The following IGSF9B variants were observed in gnomAD, a reference collection of about 807,000 sequenced individuals.
IGSF9B encodes the protein immunoglobulin superfamily member 9B, also known as protein turtle homolog B.
IGSF9B carries 48 observed loss-of-function variants against 143.7 expected under a neutral mutation model. The observed-to-expected ratio is 0.33, with a 90% confidence interval of 0.26 to 0.42. IGSF9B has a LOEUF of 0.42. IGSF9B is among the 20% of genes least tolerant of loss of function. IGSF9B has a pLI of 1.00. For synonymous variants in IGSF9B, 903 were observed against 833.1 expected, an observed-to-expected ratio of 1.08 and a Z score of -1.44; for missense variants, 1,706 against 1,980.0, an observed-to-expected ratio of 0.86 and a Z score of 2.63.
chr11:133,920,481 G>C lies in IGSF9B; in HGVS notation c.3244C>G (p.Pro1082Ala), dbSNP rs1939505865. The change falls in exon 18 of 20, where the codon CCC becomes GCC. Residue 1082 changes from proline to alanine, a missense_variant. Pro to Ala is a conservative substitution (Grantham distance 27). Transcript: ENST00000533871. ...GCCGCGGGCACCTGCAGGGAGGTGGGGGGCAGTCCTCGGGGGAGGCCGGCC... is the reference window on the plus strand; with the variant it reads ...GCCGCGGGCACCTGCAGGGAGGTGGCGGGCAGTCCTCGGGGGAGGCCGGCC... ...PKAGLPRGLP[P>A]TSLQVPAAYP... 1.3e-6 allele frequency: 2 copies of C among 1,574,862 alleles called. No homozygotes were observed. The highest frequency in any genetic ancestry group is 1.7e-5 in the Admixed American group (1 of 57,160).
In IGSF9B at chr11:133,921,242, C is replaced by T; in HGVS notation, c.2483G>A (p.Ser828Asn). Residue 828 changes from serine (S) to asparagine (N), a missense_variant, in exon 18 of 20, where the codon AGC becomes AAC. Coordinates refer to ENST00000533871, the MANE Select transcript of IGSF9B (RefSeq NM_001277285.4). ...CTTGGCCACGCTGTACTTCTTGCTG[C>T]TGATGGCCCGCTTGGTCTTCTTGTA... ...SLYKKTKRAI[S>N]SKKYSVAKAE... 1 of 1,610,902 alleles carries T rather than the reference C, an allele frequency of 6.2e-7. No homozygotes were observed. Among genetic ancestry groups the T allele is most frequent in the Non-Finnish European group, 8.5e-7 (1 of 1,179,100 alleles).
At chr11:133,942,754 G>A (rs1177590502) in intron 3 of IGSF9B, among the ~76,000 whole-genome samples, 2 of 152,174 alleles carry the variant, frequency 1.3e-5, no homozygotes, top group Non-Finnish European at 2.9e-5. Flanking sequence ...CCCTGCTCAC[G>A]CAACAGCTGG....
In IGSF9B at chr11:133,945,466, A is replaced by T. The variant is rs769322562; in HGVS notation, c.262+595T>A. On this transcript the variant is annotated intron_variant, in intron 2 of 19. Coordinates refer to ENST00000533871, the MANE Select transcript of IGSF9B (RefSeq NM_001277285.4). This position sits in a 1 kb window ranked among gnomAD's most constrained non-coding sequence, Gnocchi z 4.6. ...ACAACGCTCGCTCAATGACACGCAC[A>T]CGCACGCACACACACACCCACGCCC... Among the ~76,000 whole-genome samples, 1 of 152,122 alleles carries T rather than the reference A, an allele frequency of 6.6e-6. No homozygotes were observed. Among genetic ancestry groups the T allele is most frequent in the African/African-American group, 2.4e-5 (1 of 41,438 alleles).
Position 133,898,953 on chromosome 11 carries a change from G to C in IGSF9B, c.*10116C>G, listed in dbSNP as rs761097653. On this transcript the variant is annotated 3_prime_UTR_variant, in exon 20 of 20. Coordinates refer to ENST00000533871, the MANE Select transcript of IGSF9B (RefSeq NM_001277285.4). ...CGGGAAGCAGGCAGCAAAAATCCAC[G>C]ACAGAGCCTTTTCCCCAAGCTGCTG... 3 of 152,318 alleles carry C rather than the reference G, an allele frequency of 2.0e-5. No individual in the cohort carries two copies. The highest frequency in any genetic ancestry group is 2.0e-4 in the Admixed American group (3 of 15,276). 9.4% of individuals were successfully genotyped at this position (152,318 alleles called of 1,614,324 possible).
intron 1 of IGSF9B, among the ~76,000 whole-genome samples, chr11:133,947,643 T>C (rs1940077982): frequency 6.6e-6 from 1 of 152,164 alleles, no homozygotes; most frequent in South Asian, 2.1e-4. Flanking sequence ...TCCCTTCATG[T>C]CTGTGTCTGG....
At chr11:133,930,834 T>C (rs1195395215) in intron 11 of IGSF9B, 150 bp downstream of exon 11, 9 of 762,060 alleles carry the variant, frequency 1.2e-5, no homozygotes, top group Non-Finnish European at 1.6e-5. Flanking sequence ...AGGCTGCCGG[T>C]GCTGGACGCG....
intron 18 of IGSF9B, 106 bp from the exon 19 acceptor site, chr11:133,912,113 C>A: frequency 7.4e-7 from 1 of 1,342,664 alleles, no homozygotes; most frequent in Non-Finnish European, 1.0e-6. Flanking sequence ...GGACAGAGTT[C>A]AGTCCTACAG....
At chr11:133,955,501 C>A (rs1412952184) in intron 1 of IGSF9B, among the ~76,000 whole-genome samples, 1 of 152,344 alleles carries the variant, frequency 6.6e-6, no homozygotes, top group South Asian at 2.1e-4. Flanking sequence ...CCAGCCCACC[C>A]GGCGCCCCAT....
intron 1 of IGSF9B, among the ~76,000 whole-genome samples, chr11:133,946,715 C>T (rs1330938070): frequency 6.6e-6 from 1 of 152,210 alleles, no homozygotes; most frequent in African/African-American, 2.4e-5. Flanking sequence ...CTTTCTGCTC[C>T]AGGACGCCTG....
At position 133,921,369 on chromosome 11, in the gene IGSF9B, T is replaced by C; in HGVS notation, c.2356A>G (p.Ser786Gly). The change falls in exon 18 of 20, where the codon AGC becomes GGC. Residue 786 changes from serine (S) to glycine (G), a missense_variant. Physicochemically the swap from Ser to Gly is moderately conservative, Grantham distance 56. Around this residue, in one of 7 missense-constraint regions of IGSF9B, gnomAD observed 135 missense variants for 181.3 expected, o/e 0.74. Transcript: ENST00000533871. ...GACGGCGCTCGGAGCGTGCGGATGCTCTCGGGGCTCACCTTGCCAGAGGAC... is the reference window on the plus strand; with the variant it reads ...GACGGCGCTCGGAGCGTGCGGATGCCCTCGGGGCTCACCTTGCCAGAGGAC... ...PLSSGKVSPE[S>G]IRTLRAPSES... 1 of 1,543,364 alleles carries C rather than the reference T, an allele frequency of 6.5e-7. No homozygotes were observed. The highest frequency in any genetic ancestry group is 1.4e-5 in the African/African-American group (1 of 73,142).
intron 3 of IGSF9B, 56 bp from the exon 4 acceptor site, chr11:133,938,017 C>A (rs1296123678): frequency 1.3e-6 from 2 of 1,574,384 alleles, no homozygotes; most frequent in Non-Finnish European, 1.7e-6. Context: ...CGCTGCCCTG[C>A]AACAACAGTA....
intron 1 of IGSF9B, among the ~76,000 whole-genome samples, chr11:133,950,827 A>G (rs1205708487): frequency 2.0e-5 from 3 of 152,026 alleles, no homozygotes; most frequent in Non-Finnish European, 4.4e-5. Context: ...CGGAGTGAGC[A>G]CCAGCATCCG....
At chr11:133,917,290 T>A (rs999329497) in intron 18 of IGSF9B, among the ~76,000 whole-genome samples, 4 of 152,092 alleles carry the variant, frequency 2.6e-5, no homozygotes, top group Non-Finnish European at 5.9e-5. Context: ...GCCCTGAGTC[T>A]CTGTGAGGGA....
At chr11:133,912,421 G>C (rs1172120782) in intron 18 of IGSF9B, 1 of 455,562 alleles carries the variant, frequency 2.2e-6, no homozygotes, top group African/African-American at 2.0e-5. Flanking sequence ...TATTAGAGCA[G>C]GGGGCAAGCA....
intron 1 of IGSF9B, chr11:133,951,986 GCA>G: frequency 2.2e-6 from 1 of 449,986 alleles, no homozygotes; most frequent in Non-Finnish European, 4.5e-6. Flanking sequence ...CATCTCGGGG[GCA>G]CACACGACCA....
intron 1 of IGSF9B, chr11:133,952,013 G>A (rs930414433): frequency 4.4e-6 from 2 of 454,586 alleles, no homozygotes; most frequent in Admixed American, 2.4e-5. Flanking sequence ...GGAGGCAAGG[G>A]GCCACAGAGG....
At position 133,928,970 on chromosome 11, in the gene IGSF9B, C is replaced by T. The variant is rs531922130; in HGVS notation, c.1631+701G>A. 6.6e-6 allele frequency among the ~76,000 whole-genome samples: 1 copy of T among 152,240 alleles called. No individual in the cohort carries two copies. The highest frequency in any genetic ancestry group is 1.5e-5 in the Non-Finnish European group (1 of 68,018). On this transcript the variant is annotated intron_variant, in intron 12 of 19. Transcript: ENST00000533871. The surrounding 1 kb of genome is among the most constrained non-coding windows in gnomAD (Gnocchi z 4.7). Reference sequence around the variant, plus strand: ...GTTTCTGTGGCCTCTGGGGAAAAGACAGAATAAAAACTAGACTACAGGAGG... The same window carrying T: ...GTTTCTGTGGCCTCTGGGGAAAAGATAGAATAAAAACTAGACTACAGGAGG...
intron 7 of IGSF9B, among the ~76,000 whole-genome samples, 192 bp downstream of exon 7, chr11:133,935,425 G>C (rs1012253549): frequency 3.9e-5 from 6 of 152,208 alleles, no homozygotes; most frequent in African/African-American, 1.4e-4. Context: ...CAGCGAAGTA[G>C]GAGCTGCTCC....
Position 133,904,989 on chromosome 11 carries a change from G to A in IGSF9B, c.*4080C>T, listed in dbSNP as rs1939190656. The stretch of plus-strand genomic sequence containing the variant: ...TTATATGAAGAAGATACCCAGGCAG[G>A]GCTGGGTTAGAAGCCCCGGTGGGAA... On this transcript the variant is annotated 3_prime_UTR_variant, in exon 20 of 20. Coordinates refer to ENST00000533871, the MANE Select transcript of IGSF9B (RefSeq NM_001277285.4). Among the ~76,000 whole-genome samples, 1 of 149,898 alleles carries A rather than the reference G, an allele frequency of 6.7e-6. No individual in the cohort carries two copies. Among genetic ancestry groups the A allele is most frequent in the African/African-American group, 2.5e-5 (1 of 40,574 alleles).
Sources: gnomAD v4.1 joint callset for allele counts (sites outside exome capture counted in the v4.1 genomes callset) on GRCh38, gnomAD v4.1.1 for gene constraint, gnomAD v4.1.1 regional missense constraint, Gnocchi (gnomAD v3.1) non-coding constraint, MANE v1.5 for transcripts, NCBI Gene and HGNC (gene_info 2026-07-23, HGNC 2026-07-21) for gene names.